The following TYW1 variants were observed in gnomAD, a reference collection of about 807,000 sequenced individuals.
TYW1 encodes S-adenosyl-L-methionine-dependent tRNA 4-demethylwyosine synthase TYW1.
A neutral mutation model predicts 96.2 loss-of-function variants in TYW1; 46 were observed. The ratio of observed to expected loss-of-function variants is 0.48; its 90% confidence interval spans 0.38 to 0.61. The LOEUF is 0.61. Among genes scored for constraint, TYW1 ranks in the 20% least tolerant of loss-of-function variants. The probability of loss-of-function intolerance (pLI) is 0.00; values close to 1 mark genes in which losing one functional copy is unlikely to be tolerated. For synonymous variants in TYW1, 274 were observed against 323.0 expected (o/e 0.85, Z 1.63); for missense variants, 684 against 909.6 (o/e 0.75, Z 3.19).
intron 12 of TYW1, among the ~76,000 whole-genome samples, chr7:67,113,417 T>C (rs17144733): frequency 0.27 from 41,443 of 151,986 alleles, 6,407 homozygotes; most frequent in African/African-American, 0.42. Context: ...CTTAGGACTT[T>C]GCAGTCAGAA....
intron 12 of TYW1, among the ~76,000 whole-genome samples, chr7:67,106,247 AAG>A (rs1329106998): frequency 2.6e-5 from 4 of 152,206 alleles, no homozygotes; most frequent in Non-Finnish European, 5.9e-5. Context: ...TTGATACACA[AAG>A]AATTCTTTTC....
chr7:67,028,901 A>G (rs183347885), intron 7 of TYW1, among the ~76,000 whole-genome samples: 14 of 152,290 alleles, frequency 9.2e-5, no homozygotes, highest in Admixed American at 8.5e-4. Context: ...TATCCACACA[A>G]TGGAATATTG....
intron 13 of TYW1, among the ~76,000 whole-genome samples, chr7:67,161,792 C>T (rs1326157701): frequency 6.6e-6 from 1 of 152,136 alleles, no homozygotes; most frequent in African/African-American, 2.4e-5. Flanking sequence ...TTTCTGGGCT[C>T]ATCTTCCTAT....
chr7:67,202,372 T>G (rs112641781), intron 15 of TYW1, among the ~76,000 whole-genome samples: 14,560 of 151,420 alleles, frequency 0.096, 790 homozygotes, highest in Middle Eastern at 0.14. Context: ...CATTCTCAGC[T>G]TTCTCAGGAG....
At chr7:67,177,990 C>A (rs1325676023) in intron 13 of TYW1, among the ~76,000 whole-genome samples, 21 of 100,044 alleles carry the variant, frequency 2.1e-4, no homozygotes, top group Non-Finnish European at 2.6e-4. Context: ...CCTGTCTCTA[C>A]AGAAAAAAAA....
At position 67,018,072 on chromosome 7, in the gene TYW1, C is replaced by A; in HGVS notation, c.790C>A (p.His264Asn). 4 of 1,614,122 alleles carry A rather than the reference C, an allele frequency of 2.5e-6. No homozygotes were observed. The highest frequency in any genetic ancestry group is 3.4e-6 in the Non-Finnish European group (4 of 1,180,038). ...CTGCAAGAAAGGCAAATGTGAATCT[C>A]ACCAACATGGCTCAGAGGAGAGGGA... Reference protein sequence around the residue: ...GHCKKGKCESHQHGSEEREEG... With the variant: ...GHCKKGKCESNQHGSEEREEG... Residue 264 changes from histidine to asparagine, a missense_variant, in exon 6 of 16, where the codon CAC becomes AAC. Physicochemically the swap from His to Asn is moderately conservative, Grantham distance 68. Coordinates refer to ENST00000359626, the MANE Select transcript of TYW1 (RefSeq NM_018264.4).
intron 11 of TYW1, among the ~76,000 whole-genome samples, chr7:67,090,532 G>C (rs572192984): frequency 6.6e-6 from 1 of 152,272 alleles, no homozygotes; most frequent in Non-Finnish European, 1.5e-5. Context: ...CTGTAATTGT[G>C]ATTATCCAAG....
chr7:67,126,568 G>A (rs1159266292), intron 13 of TYW1, among the ~76,000 whole-genome samples: 1 of 151,928 alleles, frequency 6.6e-6, no homozygotes, highest in East Asian at 1.9e-4. Context: ...TTTCTCCTGT[G>A]TTATCTTCTA....
rs1793183032 is a variant in TYW1 at position 66,996,904 on chromosome 7, G to C, written c.-75G>C. 6.2e-7 allele frequency: 1 copy of C among 1,609,772 alleles called. No homozygotes were observed. The highest frequency in any genetic ancestry group is 8.5e-7 in the Non-Finnish European group (1 of 1,178,218). On this transcript the variant is annotated 5_prime_UTR_variant, in exon 1 of 16. Coordinates refer to ENST00000359626, the MANE Select transcript of TYW1 (RefSeq NM_018264.4). ...CGCTAACGCGGCGAGGTAGCTCGGTGCGTCTCGCGGTACCAGTGCGAATCA... is the reference window on the plus strand; with the variant it reads ...CGCTAACGCGGCGAGGTAGCTCGGTCCGTCTCGCGGTACCAGTGCGAATCA...
At chr7:67,089,444 G>A in intron 11 of TYW1, 1 of 1,229,038 alleles carries the variant, frequency 8.1e-7, no homozygotes, top group Non-Finnish European at 1.2e-6. Flanking sequence ...TCCACTGCAG[G>A]TGGAAGGCGT....
At chr7:67,074,151 A>C (rs1388965886) in intron 10 of TYW1, among the ~76,000 whole-genome samples, 1 of 152,134 alleles carries the variant, frequency 6.6e-6, no homozygotes, top group Non-Finnish European at 1.5e-5. Context: ...AGAGTTTGAA[A>C]TATTATAGGG....
At chr7:67,009,904 A>G (rs2129239497) in intron 4 of TYW1, among the ~76,000 whole-genome samples, 1 of 151,988 alleles carries the variant, frequency 6.6e-6, no homozygotes. Flanking sequence ...GGCATGTTAA[A>G]TTCTCCTGGG....
chr7:67,173,405 TAA>T (rs1352938388), intron 13 of TYW1, among the ~76,000 whole-genome samples: 1 of 152,170 alleles, frequency 6.6e-6, no homozygotes, highest in African/African-American at 2.4e-5. Flanking sequence ...GTAATTCCTG[TAA>T]AATGGTAGTT....
intron 8 of TYW1, among the ~76,000 whole-genome samples, chr7:67,051,741 T>G (rs972026161): frequency 5.9e-5 from 9 of 151,714 alleles, no homozygotes; most frequent in East Asian, 1.9e-4. Context: ...TGTTTTTTTT[T>G]TTTTTTCTAA....
Position 67,147,164 on chromosome 7 carries a change from AT to A in TYW1, c.1698+29547del, listed in dbSNP as rs371893388. On this transcript the variant is annotated intron_variant, in intron 13 of 15. Transcript: ENST00000359626. ...AGATTCAACCAACCACAGATTGAAA[AT>A]ATTCAGAAAAAAATAACAATACAAC... Among the ~76,000 whole-genome samples the A allele has an allele frequency of 2.5e-3, 386 of 152,316 alleles. 2 individuals are homozygous for A. The highest frequency in any genetic ancestry group is 5.8e-3 in the African/African-American group (241 of 41,570).
rs1433762652 is a variant in TYW1 at position 67,074,826 on chromosome 7, A to G, written c.1274+7423A>G. Among the ~76,000 whole-genome samples, 4 of 150,832 alleles carry G rather than the reference A, an allele frequency of 2.7e-5. No homozygotes were observed. The East Asian group carries it at 7.7e-4, about 29-fold the overall frequency. On this transcript the variant is annotated intron_variant, in intron 10 of 15. Transcript: ENST00000359626. Reference sequence around the variant, plus strand: ...GCTTGAGTGAGATTCTGTATATGACAGTGGGTTTTTTTTTTTATTCTTTTG... The same window carrying G: ...GCTTGAGTGAGATTCTGTATATGACGGTGGGTTTTTTTTTTTATTCTTTTG...
intron 7 of TYW1, among the ~76,000 whole-genome samples, chr7:67,028,221 A>G (rs1005391599): frequency 1.3e-5 from 2 of 149,686 alleles, no homozygotes; most frequent in African/African-American, 4.9e-5. Flanking sequence ...CCTGGGCAAC[A>G]GAGCAAGACT....
At position 67,122,494 on chromosome 7, in the gene TYW1, A is replaced by G. The variant is rs60927012; in HGVS notation, c.1698+4876A>G. ...GGCAATTTGGGGGAAGTAAAGAGAA[A>G]TACAAAGAAGCAAGGAAAGAAATTA... On this transcript the variant is annotated intron_variant, in intron 13 of 15. Coordinates refer to ENST00000359626, the MANE Select transcript of TYW1 (RefSeq NM_018264.4). 4.6e-3 allele frequency among the ~76,000 whole-genome samples: 697 copies of G among 152,358 alleles called. 5 individuals are homozygous for G. Among genetic ancestry groups the G allele is most frequent in the African/African-American group, 0.016 (665 of 41,580 alleles).
chr7:67,170,234 G>A (rs1207527833), intron 13 of TYW1, among the ~76,000 whole-genome samples: 1 of 152,150 alleles, frequency 6.6e-6, no homozygotes, highest in Non-Finnish European at 1.5e-5. Flanking sequence ...AAATCAATTG[G>A]CTGTTAAGTG....
Sources: allele counts gnomAD v4.1 joint callset (sites outside exome capture counted in the v4.1 genomes callset), GRCh38; gene constraint gnomAD v4.1.1; transcripts MANE v1.5; gene names NCBI Gene and HGNC (gene_info 2026-07-23, HGNC 2026-07-21).